Variants in MROH9 observed in about 807,000 individuals in gnomAD.
MROH9 encodes the protein maestro heat like repeat family member 9.
MROH9 carries 92 observed loss-of-function variants against 98.2 expected under a neutral mutation model. The observed-to-expected ratio is 0.94, with a 90% confidence interval of 0.79 to 1.11. MROH9 has a LOEUF of 1.11. Ranked by LOEUF, MROH9 falls within the 50% of genes most tolerant of loss-of-function variation. The pLI is 0.00. For synonymous variants in MROH9, 397 were observed against 368.9 expected (o/e 1.08, Z -0.87); for missense variants, 1,057 against 1,014.8 (o/e 1.04, Z -0.57).
intron 20 of MROH9, among the ~76,000 whole-genome samples, chr1:171,043,224 C>A (rs1653362847): frequency 6.6e-6 from 1 of 152,062 alleles, no homozygotes; most frequent in Admixed American, 6.6e-5. Context: ...GTTTTTCCAG[C>A]ACCATTTATT....
At chr1:170,981,302 T>C (rs185919436) in intron 8 of MROH9, among the ~76,000 whole-genome samples, 4 of 152,228 alleles carry the variant, frequency 2.6e-5, no homozygotes, top group Admixed American at 1.3e-4. Flanking sequence ...TATAAAGACA[T>C]ATGCATACAT....
intron 20 of MROH9, among the ~76,000 whole-genome samples, chr1:171,056,458 A>G (rs1381879747): frequency 1.3e-5 from 2 of 152,106 alleles, no homozygotes; most frequent in East Asian, 3.9e-4. Flanking sequence ...CAACAACTCT[A>G]ACCAGAGGCT....
intron 20 of MROH9, among the ~76,000 whole-genome samples, chr1:171,050,053 C>A (rs1653616321): frequency 6.6e-6 from 1 of 152,144 alleles, no homozygotes; most frequent in African/African-American, 2.4e-5. Flanking sequence ...CAAATGCATA[C>A]TATGCAAATA....
chr1:170,939,406 C>T (rs1437753779), intron 1 of MROH9, among the ~76,000 whole-genome samples: 4 of 152,172 alleles, frequency 2.6e-5, no homozygotes, highest in Admixed American at 6.5e-5. Flanking sequence ...TCAGAGATGT[C>T]CCAAAAGGGG....
chr1:170,950,823 C>T (rs993221366), intron 3 of MROH9, among the ~76,000 whole-genome samples: 2 of 152,048 alleles, frequency 1.3e-5, no homozygotes, highest in Admixed American at 6.6e-5. Flanking sequence ...TATTTACAAT[C>T]CATCTTTTGC....
intron 8 of MROH9, among the ~76,000 whole-genome samples, chr1:170,972,825 A>T (rs904826301): frequency 1.1e-3 from 40 of 35,614 alleles, no homozygotes; most frequent in African/African-American, 3.4e-3. Flanking sequence ...AAAAAAAAAA[A>T]AAATACACAC....
At chr1:170,953,728 G>GAAAGA (rs3980711) in intron 3 of MROH9, among the ~76,000 whole-genome samples, 28,257 of 141,786 alleles carry the variant, frequency 0.2, 3,120 homozygotes, top group East Asian at 0.44. Context: ...GTAGATTAGG[G>GAAAGA]AAAGAAAAGA....
At chr1:170,966,036 A>G (rs1204783330) in intron 7 of MROH9, among the ~76,000 whole-genome samples, 1 of 152,082 alleles carries the variant, frequency 6.6e-6, no homozygotes. Context: ...TCTGCTTCAA[A>G]CAATACAAAA....
chr1:170,941,632 G>T (rs1649123633), intron 1 of MROH9, among the ~76,000 whole-genome samples: 2 of 152,102 alleles, frequency 1.3e-5, no homozygotes, highest in South Asian at 4.1e-4. Flanking sequence ...TTGCCCCTTT[G>T]CCCCTGCCAC....
At chr1:170,973,853 C>A (rs967887612) in intron 8 of MROH9, among the ~76,000 whole-genome samples, 2 of 151,890 alleles carry the variant, frequency 1.3e-5, no homozygotes, top group Non-Finnish European at 2.9e-5. Flanking sequence ...CCAGCCTGGG[C>A]GATAGAGAAA....
chr1:170,974,693 C>T (rs986132439), intron 8 of MROH9, among the ~76,000 whole-genome samples: 2 of 151,836 alleles, frequency 1.3e-5, no homozygotes, highest in Non-Finnish European at 2.9e-5. Context: ...GGAAATTATA[C>T]CAGACGAAAA....
At chr1:171,059,350 C>CA (rs1431872642) in intron 20 of MROH9, among the ~76,000 whole-genome samples, 1 of 152,252 alleles carries the variant, frequency 6.6e-6, no homozygotes, top group African/African-American at 2.4e-5. Context: ...TACCATCTCA[C>CA]ACCAGTAAGA....
chr1:170,979,134 C>T (rs1650828524), intron 8 of MROH9, among the ~76,000 whole-genome samples: 1 of 152,174 alleles, frequency 6.6e-6, no homozygotes, highest in South Asian at 2.1e-4. Context: ...TGTAAACATA[C>T]ATTTTATAGG....
chr1:170,952,754 A>AATAT (rs370307244), intron 3 of MROH9, among the ~76,000 whole-genome samples: 5 of 149,454 alleles, frequency 3.3e-5, no homozygotes, highest in East Asian at 1.9e-4. Flanking sequence ...TATAATAAAA[A>AATAT]ATATATATAT....
chr1:171,009,408 C>G (rs971857811), intron 15 of MROH9, among the ~76,000 whole-genome samples: 3 of 152,110 alleles, frequency 2.0e-5, no homozygotes, highest in Non-Finnish European at 2.9e-5. Flanking sequence ...CACTTTTACT[C>G]AGAAGGTTTA....
intron 20 of MROH9, among the ~76,000 whole-genome samples, chr1:171,046,226 T>C (rs1209925280): frequency 6.6e-6 from 1 of 152,214 alleles, no homozygotes; most frequent in Non-Finnish European, 1.5e-5. Context: ...AACAGATCAA[T>C]TAACCTTACT....
intron 20 of MROH9, among the ~76,000 whole-genome samples, chr1:171,050,028 A>G (rs1167405772): frequency 6.6e-5 from 10 of 152,144 alleles, no homozygotes; most frequent in Non-Finnish European, 1.0e-4. Context: ...TAGATTCTGA[A>G]TATTAATTCT....
chr1:171,028,854 G>T (rs552970316), intron 20 of MROH9, among the ~76,000 whole-genome samples: 3 of 152,126 alleles, frequency 2.0e-5, no homozygotes, highest in African/African-American at 7.2e-5. Context: ...ATGAATGCTC[G>T]TAATTTTTGC....
intron 8 of MROH9, among the ~76,000 whole-genome samples, chr1:170,976,857 A>G (rs974916136): frequency 6.6e-6 from 1 of 152,156 alleles, no homozygotes; most frequent in African/African-American, 2.4e-5. Flanking sequence ...CATCTATTGC[A>G]GGGATGCCAA....
Sources: gnomAD v4.1 joint callset for allele counts (sites outside exome capture counted in the v4.1 genomes callset) on GRCh38, gnomAD v4.1.1 for gene constraint, MANE v1.5 for transcripts, NCBI Gene and HGNC (gene_info 2026-07-23, HGNC 2026-07-21) for gene names.